Variants in RIN2 observed in about 807,000 individuals in gnomAD.
RIN2 encodes RAB5 interacting protein 2.
A neutral mutation model predicts 78.0 loss-of-function variants in RIN2; 36 were observed. The ratio of observed to expected loss-of-function variants is 0.46; its 90% confidence interval spans 0.35 to 0.61. The LOEUF is 0.61. Ranked by LOEUF, RIN2 falls within the 20% of genes least tolerant of loss-of-function variation. RIN2 has a pLI of 0.00. For missense variants in RIN2, 1,087 were observed against 1,159.7 expected, an observed-to-expected ratio of 0.94 and a Z score of 0.91; for synonymous variants, 466 against 466.8, an observed-to-expected ratio of 1.00 and a Z score of 0.02.
chr20:19,981,581 A>G (rs2042455511), intron 9 of RIN2, among the ~76,000 whole-genome samples: 1 of 152,168 alleles, frequency 6.6e-6, no homozygotes, highest in Non-Finnish European at 1.5e-5. Context: ...GCCTTTTACT[A>G]AAAGACACTG....
chr20:19,889,621 G>T lies in RIN2; in HGVS notation c.20G>T (p.Gly7Val). The part of the protein sequence containing the change: MTAWTM[G>V]ARGLDKRGSF... Reference sequence around the variant, plus strand: ...GGGGAAATGACAGCTTGGACCATGGGCGCCCGCGGTCTGGACAAGCGAGGA... The same window carrying T: ...GGGGAAATGACAGCTTGGACCATGGTCGCCCGCGGTCTGGACAAGCGAGGA... The change falls in exon 3 of 13, where the codon GGC becomes GTC. Residue 7 changes from glycine to valine, a missense_variant. Gly to Val is a moderately radical substitution (Grantham distance 109, BLOSUM62 -3). This residue lies in a region of RIN2 where 706 missense variants were observed against 667.5 expected (regional missense o/e 1.06). Transcript: ENST00000255006. 6.4e-7 allele frequency: 1 copy of T among 1,550,468 alleles called. No homozygotes were observed. Among genetic ancestry groups the T allele is most frequent in the Non-Finnish European group, 8.7e-7 (1 of 1,146,432 alleles).
intron 2 of RIN2, among the ~76,000 whole-genome samples, chr20:19,815,626 G>A (rs2035743908): frequency 6.6e-6 from 1 of 152,174 alleles, no homozygotes; most frequent in Non-Finnish European, 1.5e-5. Context: ...CATGTGTGTG[G>A]TTTTAATTTT....
chr20:19,859,935 G>A (rs1341401041), intron 2 of RIN2, among the ~76,000 whole-genome samples: 2 of 152,230 alleles, frequency 1.3e-5, no homozygotes, highest in Non-Finnish European at 2.9e-5. Context: ...GTGAAACAAG[G>A]AAGGGAAGGA....
intron 2 of RIN2, among the ~76,000 whole-genome samples, chr20:19,823,187 A>C (rs1212481917): frequency 6.6e-6 from 1 of 152,182 alleles, no homozygotes; most frequent in Non-Finnish European, 1.5e-5. Context: ...GAGCCATAGC[A>C]AGGAGACATT....
chr20:19,903,136 C>T (rs1389311940), intron 3 of RIN2, among the ~76,000 whole-genome samples: 1 of 152,142 alleles, frequency 6.6e-6, no homozygotes. Context: ...TTAAATTTAA[C>T]TTAGCATCCT....
chr20:19,874,935 A>G (rs1434156296), intron 2 of RIN2, among the ~76,000 whole-genome samples: 1 of 152,080 alleles, frequency 6.6e-6, no homozygotes, highest in Non-Finnish European at 1.5e-5. Context: ...ATCTTGGCTC[A>G]CTGAAGCCTC....
rs1370158911 is a variant in RIN2 at position 19,889,141 on chromosome 20, C to A, written c.-36-425C>A. 7.1e-6 allele frequency: 7 copies of A among 985,330 alleles called. No individual in the cohort carries two copies. The African/African-American group carries it at 1.2e-4, about 17-fold the overall frequency. 61.0% of individuals were successfully genotyped at this position (985,330 alleles called of 1,614,324 possible). On this transcript the variant is annotated intron_variant, in intron 2 of 12. Coordinates refer to ENST00000255006, the MANE Select transcript of RIN2 (RefSeq NM_018993.4). ...GCCAGCAGAGCTAAGGATGACCTCACCCCCTTCCAGCAGGATTTCCTGGGA... is the reference window on the plus strand; with the variant it reads ...GCCAGCAGAGCTAAGGATGACCTCAACCCCTTCCAGCAGGATTTCCTGGGA...
intron 3 of RIN2, among the ~76,000 whole-genome samples, chr20:19,921,280 G>A (rs758701692): frequency 9.8e-5 from 15 of 152,346 alleles, no homozygotes; most frequent in Non-Finnish European, 2.1e-4. Flanking sequence ...GGATGTGCAA[G>A]CACATTGGTG....
chr20:19,992,205 G>GACCT lies in RIN2; in HGVS notation c.2108_2111dup (p.Val705LeufsTer7). The GACCT allele has an allele frequency of 6.2e-7, 1 of 1,612,488 alleles. No individual in the cohort carries two copies. The highest frequency in any genetic ancestry group is 8.5e-7 in the Non-Finnish European group (1 of 1,179,360). ...GCGCTGATGACTTCTTGCCAGTCCT[G>GACCT]ACCTATGTCATAGCCCAGTGTGACA... On this transcript the variant is annotated frameshift_variant, in exon 11 of 13. Transcript: ENST00000255006. LOFTEE classifies it high-confidence loss of function.
At chr20:19,851,050 G>GAAGGAAGGAGGA (rs1491160798) in intron 2 of RIN2, among the ~76,000 whole-genome samples, 1 of 55,198 alleles carries the variant, frequency 1.8e-5, no homozygotes, top group African/African-American at 5.5e-5. Context: ...AGGAAGGAAG[G>GAAGGAAGGAGGA]AGAAAGAAAG....
chr20:19,876,901 CA>C (rs11483125), intron 2 of RIN2, among the ~76,000 whole-genome samples: 7 of 142,446 alleles, frequency 4.9e-5, no homozygotes, highest in Non-Finnish European at 4.6e-5. Flanking sequence ...GACTCCATCT[CA>C]AAAAAAAAAA....
chr20:19,863,073 A>G (rs1167095447), intron 2 of RIN2, among the ~76,000 whole-genome samples: 1 of 152,146 alleles, frequency 6.6e-6, no homozygotes, highest in African/African-American at 2.4e-5. Flanking sequence ...GTTTTCTCAT[A>G]TACATCTTAT....
intron 11 of RIN2, among the ~76,000 whole-genome samples, chr20:19,994,899 T>C (rs1006091310): frequency 1.3e-5 from 2 of 152,190 alleles, no homozygotes; most frequent in Admixed American, 6.5e-5. Context: ...CAGATCACTC[T>C]ATACACAAAA....
chr20:19,827,265 C>A (rs1472454549), intron 2 of RIN2, among the ~76,000 whole-genome samples: 4 of 152,124 alleles, frequency 2.6e-5, no homozygotes, highest in African/African-American at 9.7e-5. Context: ...CGTGAGCCAC[C>A]ACACCCCGCC....
At chr20:19,938,215 T>C (rs2040725686) in intron 4 of RIN2, among the ~76,000 whole-genome samples, 1 of 152,088 alleles carries the variant, frequency 6.6e-6, no homozygotes, top group African/African-American at 2.4e-5. Context: ...TTTTGTTTGT[T>C]TGGTTTTTGT....
At chr20:19,771,349 G>A (rs2034112713) in intron 1 of RIN2, among the ~76,000 whole-genome samples, 2 of 152,312 alleles carry the variant, frequency 1.3e-5, no homozygotes, top group African/African-American at 2.4e-5. Context: ...TTTTGGAGTT[G>A]TATGGCAGGA....
intron 9 of RIN2, among the ~76,000 whole-genome samples, chr20:19,988,244 G>A (rs927256097): frequency 6.6e-6 from 1 of 152,078 alleles, no homozygotes; most frequent in Non-Finnish European, 1.5e-5. Flanking sequence ...CCAGCCTCCA[G>A]AGTAGTTGGT....
chr20:19,764,925 T>TTTTTTTTTTC, intron 1 of RIN2, among the ~76,000 whole-genome samples: 1 of 114,392 alleles, frequency 8.7e-6, no homozygotes, highest in South Asian at 2.9e-4. Context: ...TGCGTTTTTT[T>TTTTTTTTTTC]TTTTTTTTTT....
At chr20:19,929,146 C>G (rs545364697) in intron 3 of RIN2, among the ~76,000 whole-genome samples, 1 of 152,176 alleles carries the variant, frequency 6.6e-6, no homozygotes, top group African/African-American at 2.4e-5. Context: ...CCACCACTTT[C>G]CCAGGTGTCC....
Sources: allele counts gnomAD v4.1 joint callset (sites outside exome capture counted in the v4.1 genomes callset), GRCh38; gene constraint gnomAD v4.1.1; regional missense constraint gnomAD v4.1.1; transcripts MANE v1.5; gene names NCBI Gene and HGNC (gene_info 2026-07-23, HGNC 2026-07-21).